Variants in ESYT2 observed in about 807,000 individuals in gnomAD.
ESYT2 encodes the protein extended synaptotagmin-2.
A neutral mutation model predicts 107.2 loss-of-function variants in ESYT2; 54 were observed. The ratio of observed to expected loss-of-function variants is 0.50; its 90% CI spans 0.40 to 0.63. The LOEUF (loss-of-function observed/expected upper bound fraction) is 0.63, where lower values mean the gene tolerates loss of function less well. Among genes scored for constraint, ESYT2 ranks in the 30% least tolerant of loss-of-function variants. The pLI is 0.00. For synonymous variants in ESYT2, 491 were observed against 434.1 expected (o/e 1.13, Z -1.63); for missense variants, 1,020 against 1,094.5 (o/e 0.93, Z 0.96).
In ESYT2 at chr7:158,800,804, C is replaced by A. The variant is rs1563029087; in HGVS notation, c.331-1732G>T. 2.0e-5 allele frequency among the ~76,000 whole-genome samples: 3 copies of A among 151,750 alleles called. No individual in the cohort carries two copies. In the East Asian group the frequency reaches 5.9e-4, roughly 30 times the overall value. On this transcript the variant is annotated intron_variant, in intron 1 of 22. Transcript: ENST00000275418. The stretch of plus-strand genomic sequence containing the variant: ...AGTGCAGTGGCACGATCTCGACTCG[C>A]CACAACCTCCACCTCCCAGGTTCAA...
intron 20 of ESYT2, among the ~76,000 whole-genome samples, chr7:158,736,706 A>G (rs1337601510): frequency 1.3e-5 from 2 of 152,254 alleles, no homozygotes; most frequent in African/African-American, 2.4e-5. Flanking sequence ...TTAAAAATAT[A>G]TGTATCCTTA....
In ESYT2 at chr7:158,737,140, A is replaced by G; in HGVS notation, c.2307T>C (p.Tyr769=). The G allele has an allele frequency of 3.1e-6, 5 of 1,614,028 alleles. No individual in the cohort carries two copies. Among genetic ancestry groups the G allele is most frequent in the Non-Finnish European group, 4.2e-6 (5 of 1,179,910 alleles). The part of the protein sequence containing the change: ...IAFSEDGSDP[Y]VRMYLLPDKR... ...TGTCTGGTAATAAATACATGCGGAC[A>G]TAGGGGTCAGAGCCGTCTTCAGAGA... The change falls in exon 20 of 23, where the codon TAT becomes TAC. Residue 769 remains tyrosine, a synonymous_variant. Transcript: ENST00000275418.
intron 1 of ESYT2, among the ~76,000 whole-genome samples, chr7:158,812,962 AG>A (rs1484713576): frequency 2.0e-5 from 3 of 152,214 alleles, no homozygotes; most frequent in Admixed American, 6.5e-5. Context: ...GGCACAAAAC[AG>A]GGTTCCTTTT....
chr7:158,735,388 G>A (rs561429588), intron 21 of ESYT2, 115 bp downstream of exon 21: 55 of 742,758 alleles, frequency 7.4e-5, no homozygotes, highest in African/African-American at 4.1e-4. Flanking sequence ...AACAAGCATC[G>A]ACCTCGTAAG....
rs1336246963 is a variant in ESYT2 at position 158,733,882 on chromosome 7, G to A, written c.*325C>T. 3.4e-6 allele frequency: 1 copy of A among 290,488 alleles called. No individual in the cohort carries two copies. Among genetic ancestry groups the A allele is most frequent in the South Asian group, 4.1e-5 (1 of 24,156 alleles). The allele number at this position is 290,488 out of a possible 1,614,324, so 18.0% of individuals were successfully genotyped here. A position where few individuals can be genotyped will look rare whatever the true frequency, so the allele number is the denominator to read the frequency against. On this transcript the variant is annotated 3_prime_UTR_variant, in exon 23 of 23. Coordinates refer to ENST00000275418, the MANE Select transcript of ESYT2 (RefSeq NM_001367773.1). ...TATTTACATGGCATAGTATACCTCA[G>A]TGATATATAAACAAGGCCATAATAA...
In ESYT2 at chr7:158,743,654, A is replaced by G. The variant is rs2305475; in HGVS notation, c.1669T>C (p.Ser557Pro). 0.19 allele frequency: 300,281 copies of G among 1,600,316 alleles called. 34,519 individuals carry two copies. The highest frequency in any genetic ancestry group is 0.56 in the East Asian group (24,947 of 44,322). Residue 557 changes from serine to proline, a missense_variant, in exon 17 of 23, where the codon TCC becomes CCC. By Grantham distance (74) the Ser-to-Pro change is moderately conservative. Coordinates refer to ENST00000275418, the MANE Select transcript of ESYT2 (RefSeq NM_001367773.1). ...VEVRDEQHQC[S>P]LGNLKVPLSQ... ...AGGGGGACCTTCAGGTTCCCCAGGG[A>G]ACACTGGTGCTGCTCGTCTCTGACC... is the stretch of plus-strand genomic sequence containing the variant.
chr7:158,781,010 G>A (rs950588509), intron 6 of ESYT2, among the ~76,000 whole-genome samples: 1 of 152,236 alleles, frequency 6.6e-6, no homozygotes, highest in African/African-American at 2.4e-5. Flanking sequence ...ACTAATGTGA[G>A]AATGAGCGTG....
chr7:158,792,250 G>C (rs1362663658), intron 4 of ESYT2, among the ~76,000 whole-genome samples: 1 of 149,732 alleles, frequency 6.7e-6, no homozygotes, highest in South Asian at 2.1e-4. Flanking sequence ...TCCCCTGGGT[G>C]CAGTCGCTCA....
At chr7:158,807,363 T>C (rs1839861620) in intron 1 of ESYT2, among the ~76,000 whole-genome samples, 1 of 152,206 alleles carries the variant, frequency 6.6e-6, no homozygotes, top group Non-Finnish European at 1.5e-5. Flanking sequence ...ATTTTACATT[T>C]TGAAGAAATA....
Position 158,797,982 on chromosome 7 carries a change from A to G in ESYT2, c.467T>C (p.Leu156Pro). ...GACCTTCGTGAAACTAAAGGTGCTA[A>G]GGTGGGTGTTTGCTCCCCGCACGGC... The part of the protein sequence containing the change: ...EPAVRGANTH[L>P]STFSFTKVDV... Residue 156 changes from leucine (L) to proline (P), a missense_variant, in exon 3 of 23, where the codon CTT (leucine) becomes CCT (proline). Transcript: ENST00000275418. The G allele has an allele frequency of 6.2e-7, 1 of 1,614,142 alleles. No individual in the cohort carries two copies. Among genetic ancestry groups the G allele is most frequent in the Admixed American group, 1.7e-5 (1 of 60,030 alleles).
chr7:158,756,802 G>A (rs1433703832), intron 13 of ESYT2, among the ~76,000 whole-genome samples: 2 of 151,600 alleles, frequency 1.3e-5, no homozygotes, highest in Non-Finnish European at 1.5e-5. Flanking sequence ...CCAGCTACTC[G>A]GGAGGCTGAG....
intron 6 of ESYT2, among the ~76,000 whole-genome samples, chr7:158,778,826 C>T (rs1266347517): frequency 6.6e-6 from 1 of 151,700 alleles, no homozygotes; most frequent in Non-Finnish European, 1.5e-5. Context: ...CGACATCACA[C>T]CGTGTGACTG....
intron 4 of ESYT2, among the ~76,000 whole-genome samples, chr7:158,790,118 T>C (rs1404958140): frequency 6.6e-6 from 1 of 152,186 alleles, no homozygotes; most frequent in Non-Finnish European, 1.5e-5. Context: ...CCTCCTCCTT[T>C]ATTCCACTGA....
intron 1 of ESYT2, 150 bp downstream of exon 1, chr7:158,828,939 T>G (rs1477567407): frequency 4.9e-6 from 6 of 1,220,220 alleles, no homozygotes; most frequent in South Asian, 1.8e-5. Flanking sequence ...TGGACCGGGG[T>G]GGGTGGGGGA....
chr7:158,756,976 T>G (rs1471871426), intron 13 of ESYT2, among the ~76,000 whole-genome samples: 3 of 150,128 alleles, frequency 2.0e-5, no homozygotes, highest in Non-Finnish European at 4.4e-5. Flanking sequence ...TGTGAAACTT[T>G]ACAAAAAAAT....
chr7:158,771,791 A>G (rs1053437519), intron 7 of ESYT2, among the ~76,000 whole-genome samples: 8 of 152,140 alleles, frequency 5.3e-5, no homozygotes, highest in Non-Finnish European at 1.2e-4. Context: ...GTGGGCGCCC[A>G]TTGTTGGAAG....
At chr7:158,752,571 C>T (rs1487689388) in intron 14 of ESYT2, among the ~76,000 whole-genome samples, 1 of 152,190 alleles carries the variant, frequency 6.6e-6, no homozygotes, top group Non-Finnish European at 1.5e-5. Flanking sequence ...TCTAATTTAT[C>T]ATACTAGTAC....
At chr7:158,750,788 C>A (rs898837714) in intron 14 of ESYT2, among the ~76,000 whole-genome samples, 3 of 152,168 alleles carry the variant, frequency 2.0e-5, no homozygotes, top group Non-Finnish European at 4.4e-5. Flanking sequence ...TCTGTAAATA[C>A]AGATTTTGTT....
chr7:158,780,575 C>T (rs928667750), intron 6 of ESYT2, among the ~76,000 whole-genome samples: 2 of 152,150 alleles, frequency 1.3e-5, no homozygotes, highest in African/African-American at 4.8e-5. Context: ...TAACTATCAA[C>T]GATGGAGTAT....
Sources: gnomAD v4.1 joint callset for allele counts (sites outside exome capture counted in the v4.1 genomes callset) on GRCh38, gnomAD v4.1.1 for gene constraint, MANE v1.5 for transcripts, NCBI Gene and HGNC (gene_info 2026-07-23, HGNC 2026-07-21) for gene names.